The following NDST3 variants were observed in gnomAD, a reference collection of about 807,000 sequenced individuals.
NDST3 encodes bifunctional heparan sulfate N-deacetylase/N-sulfotransferase 3.
In NDST3, 58 loss-of-function variants were observed where a neutral mutation model predicts 96.1. That is an observed-to-expected ratio of 0.60 (90% CI 0.49 to 0.75). The LOEUF is 0.75. Among genes scored for constraint, NDST3 ranks in the 30% least tolerant of loss-of-function variants. The pLI, the probability that NDST3 is intolerant of heterozygous loss-of-function variation, is 0.00. For synonymous variants in NDST3, 333 were observed against 359.7 expected, an observed-to-expected ratio of 0.93 and a Z score of 0.84; for missense variants, 788 against 1,034.2, an observed-to-expected ratio of 0.76 and a Z score of 3.27.
chr4:118,238,379 T>A (rs1330408311), intron 10 of NDST3, among the ~76,000 whole-genome samples: 1 of 152,146 alleles, frequency 6.6e-6, no homozygotes, highest in Non-Finnish European at 1.5e-5. Flanking sequence ...ACTCTAGTAA[T>A]AATATATATG....
chr4:118,177,641 T>G (rs1736357936), intron 6 of NDST3, among the ~76,000 whole-genome samples: 1 of 151,978 alleles, frequency 6.6e-6, no homozygotes, highest in South Asian at 2.1e-4. Context: ...ATGAATGGAG[T>G]TTGCCTTTTG....
At chr4:118,089,145 A>T (rs529236088) in intron 2 of NDST3, among the ~76,000 whole-genome samples, 1 of 152,108 alleles carries the variant, frequency 6.6e-6, no homozygotes, top group South Asian at 2.1e-4. Context: ...GAATTCCTAA[A>T]GATATAAATT....
intron 2 of NDST3, among the ~76,000 whole-genome samples, chr4:118,096,625 A>G (rs780482886): frequency 2.6e-5 from 4 of 151,854 alleles, no homozygotes; most frequent in Non-Finnish European, 4.4e-5. Context: ...CTGTTTCACT[A>G]GAGAACCCCA....
At chr4:118,079,021 T>C (rs1245067861) in intron 2 of NDST3, among the ~76,000 whole-genome samples, 3 of 152,072 alleles carry the variant, frequency 2.0e-5, no homozygotes, top group Admixed American at 2.0e-4. Context: ...CTAAAATGAG[T>C]AAAATTAATT....
At chr4:118,226,120 A>G (rs547427228) in intron 7 of NDST3, among the ~76,000 whole-genome samples, 12 of 152,294 alleles carry the variant, frequency 7.9e-5, no homozygotes, top group Non-Finnish European at 7.4e-5. Flanking sequence ...GACTAGAAAT[A>G]AAAAAGTGGT....
At chr4:118,157,603 T>C (rs1410811726) in intron 6 of NDST3, among the ~76,000 whole-genome samples, 1 of 152,032 alleles carries the variant, frequency 6.6e-6, no homozygotes, top group Non-Finnish European at 1.5e-5. Context: ...TTTGTATTTT[T>C]AGTAGAGACA....
intron 6 of NDST3, among the ~76,000 whole-genome samples, chr4:118,203,642 G>T (rs1236823335): frequency 6.6e-6 from 1 of 152,138 alleles, no homozygotes; most frequent in Non-Finnish European, 1.5e-5. Flanking sequence ...CAAGTGCAGT[G>T]TTGTTTCTTT....
chr4:118,083,306 C>T (rs1728165189), intron 2 of NDST3, among the ~76,000 whole-genome samples: 1 of 152,114 alleles, frequency 6.6e-6, no homozygotes, highest in Non-Finnish European at 1.5e-5. Context: ...AATGGAAATT[C>T]AATTTTTAGT....
rs1742117070 is a variant in NDST3, at chr4:118,256,211, A to T, written c.*499A>T. On this transcript the variant is annotated 3_prime_UTR_variant, in exon 14 of 14. Coordinates refer to ENST00000296499, the MANE Select transcript of NDST3 (RefSeq NM_004784.3). ...AACACCCATGAAAAATGCTTGCCAA[A>T]ATTTAAATCCACTTAAGTATTTAGA... 1 of 152,222 alleles carries T rather than the reference A, an allele frequency of 6.6e-6. No homozygotes were observed. The highest frequency in any genetic ancestry group is 2.4e-5 in the African/African-American group (1 of 41,444). The allele number at this position is 152,222 out of a possible 1,614,324, so 9.4% of individuals were successfully genotyped here.
intron 6 of NDST3, among the ~76,000 whole-genome samples, chr4:118,161,442 G>A (rs544650681): frequency 6.6e-6 from 1 of 152,312 alleles, no homozygotes; most frequent in Admixed American, 6.5e-5. Flanking sequence ...GGTTACTGCT[G>A]TCTTTTTGTT....
chr4:118,058,983 G>C (rs556946540), intron 2 of NDST3, among the ~76,000 whole-genome samples: 18 of 152,130 alleles, frequency 1.2e-4, no homozygotes, highest in African/African-American at 4.3e-4. Context: ...GAAGATTCTG[G>C]AGAAGGTGGT....
chr4:118,229,582 T>C (rs1358456813), intron 8 of NDST3, among the ~76,000 whole-genome samples: 1 of 152,208 alleles, frequency 6.6e-6, no homozygotes, highest in Non-Finnish European at 1.5e-5. Flanking sequence ...TTACTGACTA[T>C]GCAAAATAAT....
chr4:118,102,788 A>G (rs1729868418), intron 2 of NDST3, among the ~76,000 whole-genome samples: 1 of 152,116 alleles, frequency 6.6e-6, no homozygotes, highest in Non-Finnish European at 1.5e-5. Flanking sequence ...AACATAAAAG[A>G]TGACAAATAT....
At chr4:118,170,027 T>C (rs1489131707) in intron 6 of NDST3, among the ~76,000 whole-genome samples, 2 of 152,148 alleles carry the variant, frequency 1.3e-5, no homozygotes, top group Non-Finnish European at 2.9e-5. Flanking sequence ...CATCAAGTGT[T>C]GCAGCAAGTA....
intron 6 of NDST3, among the ~76,000 whole-genome samples, chr4:118,196,107 C>T (rs1046494501): frequency 3.3e-5 from 5 of 152,118 alleles, no homozygotes; most frequent in African/African-American, 7.2e-5. Context: ...CATGATCATA[C>T]GGATTTGTCC....
rs772965546 is a variant in NDST3, at chr4:118,054,069, C to T, written c.159C>T (p.Gly53=). ...LSETASEVDC[G]DLQHLPYQLM... Reference sequence around the variant, plus strand: ...AGACGGCTTCAGAAGTTGACTGTGGCGACCTCCAACACCTACCATATCAAC... The same window carrying T: ...AGACGGCTTCAGAAGTTGACTGTGGTGACCTCCAACACCTACCATATCAAC... Residue 53 remains glycine, a synonymous_variant, in exon 2 of 14, where the codon GGC becomes GGT. Coordinates refer to ENST00000296499, the MANE Select transcript of NDST3 (RefSeq NM_004784.3). 3.0e-5 allele frequency: 49 copies of T among 1,612,750 alleles called. No homozygotes were observed. Among genetic ancestry groups the T allele is most frequent in the East Asian group, 1.8e-4 (8 of 44,834 alleles).
intron 6 of NDST3, among the ~76,000 whole-genome samples, chr4:118,156,904 T>C (rs1027533187): frequency 1.3e-5 from 2 of 152,196 alleles, no homozygotes; most frequent in Non-Finnish European, 2.9e-5. Context: ...CAAATCTACA[T>C]AGCACTTGCT....
At chr4:118,236,470 A>G (rs773815916) in intron 9 of NDST3, among the ~76,000 whole-genome samples, 4 of 152,210 alleles carry the variant, frequency 2.6e-5, no homozygotes, top group South Asian at 2.1e-4. Flanking sequence ...CAATTATTCT[A>G]AAGAGGAACA....
At chr4:118,230,745 A>G (rs190515675) in intron 8 of NDST3, among the ~76,000 whole-genome samples, 73 of 152,290 alleles carry the variant, frequency 4.8e-4, no homozygotes, top group African/African-American at 1.7e-3. Context: ...TTTACTTTGT[A>G]TATCATAGAT....
Sources: allele counts gnomAD v4.1 joint callset (sites outside exome capture counted in the v4.1 genomes callset), GRCh38; gene constraint gnomAD v4.1.1; transcripts MANE v1.5; gene names NCBI Gene and HGNC (gene_info 2026-07-23, HGNC 2026-07-21).